AK5: variants seen among roughly 807,000 people sequenced by gnomAD.
AK5 encodes adenylate kinase isoenzyme 5.
AK5 carries 27 observed loss-of-function variants against 69.5 expected under a neutral mutation model. That is an observed-to-expected ratio of 0.39 (90% confidence interval 0.29 to 0.54). AK5 has a LOEUF of 0.54. Among genes scored for constraint, AK5 ranks in the 20% least tolerant of loss-of-function variants. The pLI, the probability that AK5 is intolerant of heterozygous loss-of-function variation, is 0.71. For missense variants in AK5, 531 were observed against 700.4 expected (o/e 0.76, Z 2.73); for synonymous variants, 260 against 244.4 (o/e 1.06, Z -0.60).
intron 10 of AK5, among the ~76,000 whole-genome samples, chr1:77,496,059 C>A (rs61778699): frequency 0.03 from 4,591 of 152,196 alleles, 65 homozygotes; most frequent in Middle Eastern, 0.078. Context: ...AGGGAGGAAG[C>A]CAACAAATAG....
At chr1:77,448,114 CG>C (rs1652869362) in intron 8 of AK5, among the ~76,000 whole-genome samples, 1 of 152,116 alleles carries the variant, frequency 6.6e-6, no homozygotes, top group Non-Finnish European at 1.5e-5. Flanking sequence ...CTGTGGACAG[CG>C]GGTTGATGGC....
At chr1:77,377,933 T>C (rs1570469175) in intron 6 of AK5, among the ~76,000 whole-genome samples, 1 of 152,250 alleles carries the variant, frequency 6.6e-6, no homozygotes, top group Non-Finnish European at 1.5e-5. Context: ...ATGAAACTTT[T>C]CTCCTTTGTG....
intron 1 of AK5, chr1:77,283,376 T>C (rs1658171933): frequency 1.0e-6 from 1 of 985,298 alleles, no homozygotes; most frequent in South Asian, 4.7e-5. Context: ...GCAAACCTCG[T>C]TCCCCATTTC....
At chr1:77,540,858 G>A (rs574382522) in intron 13 of AK5, among the ~76,000 whole-genome samples, 28 of 152,140 alleles carry the variant, frequency 1.8e-4, no homozygotes, top group Middle Eastern at 3.4e-3. Flanking sequence ...CAGCAGTTTG[G>A]GAAGCCAAGG....
At chr1:77,367,511 T>C (rs1646973128) in intron 6 of AK5, among the ~76,000 whole-genome samples, 1 of 132,572 alleles carries the variant, frequency 7.5e-6, no homozygotes, top group Admixed American at 8.8e-5. Context: ...TGTTTTTTTG[T>C]AGAGACAGGT....
intron 8 of AK5, among the ~76,000 whole-genome samples, chr1:77,481,654 G>A (rs1039520295): frequency 3.3e-5 from 5 of 152,204 alleles, no homozygotes; most frequent in African/African-American, 1.2e-4. Flanking sequence ...AGGCATCAAA[G>A]TGAATTAGAG....
At chr1:77,307,933 G>C (rs922556529) in intron 5 of AK5, among the ~76,000 whole-genome samples, 1 of 152,114 alleles carries the variant, frequency 6.6e-6, no homozygotes, top group Non-Finnish European at 1.5e-5. Context: ...ATAGATAGTC[G>C]TCAACTTGGT....
intron 6 of AK5, among the ~76,000 whole-genome samples, chr1:77,391,045 C>G (rs1452652467): frequency 6.6e-6 from 1 of 152,138 alleles, no homozygotes; most frequent in Non-Finnish European, 1.5e-5. Flanking sequence ...CTCCTGGCAG[C>G]AGACCCTCTG....
intron 8 of AK5, among the ~76,000 whole-genome samples, chr1:77,473,759 G>C (rs1216081318): frequency 1.3e-5 from 2 of 152,160 alleles, no homozygotes; most frequent in Non-Finnish European, 2.9e-5. Context: ...GAAGGATTTT[G>C]GAAAAACGAA....
intron 5 of AK5, among the ~76,000 whole-genome samples, chr1:77,337,490 A>T (rs987496904): frequency 6.6e-6 from 1 of 152,152 alleles, no homozygotes; most frequent in Non-Finnish European, 1.5e-5. Flanking sequence ...TGTCAAAAAA[A>T]TTTCTTATGT....
At chr1:77,480,805 C>T (rs1466428281) in intron 8 of AK5, among the ~76,000 whole-genome samples, 2 of 152,284 alleles carry the variant, frequency 1.3e-5, no homozygotes, top group South Asian at 2.1e-4. Flanking sequence ...TCCAAAATTC[C>T]CTGAGAATTT....
At chr1:77,524,515 T>C (rs955654874) in intron 12 of AK5, among the ~76,000 whole-genome samples, 1 of 152,230 alleles carries the variant, frequency 6.6e-6, no homozygotes, top group African/African-American at 2.4e-5. Flanking sequence ...TGGTATCTTA[T>C]TGTGGTTTTG....
rs747195859 is a variant in AK5, at chr1:77,297,980, ACTTTTTG to A, written c.699+37_699+43del. The stretch of plus-strand genomic sequence containing the variant: ...TATCTCCTTATATTTTAAATGAACT[ACTTTTTG>A]CTTAAAATTTTGGGAATAAAAACAA... On this transcript the variant is annotated intron_variant, in intron 5 of 13. Transcript: ENST00000354567. 6.1e-6 allele frequency: 9 copies of A among 1,482,082 alleles called. No homozygotes were observed. The East Asian group carries it at 1.6e-4, about 26-fold the overall frequency. 91.8% of individuals were successfully genotyped at this position (1,482,082 alleles called of 1,614,324 possible). A position where few individuals can be genotyped will look rare whatever the true frequency, so the allele number is the denominator to read the frequency against.
chr1:77,511,272 G>A (rs1657333102), intron 10 of AK5, among the ~76,000 whole-genome samples: 1 of 152,082 alleles, frequency 6.6e-6, no homozygotes, highest in African/African-American at 2.4e-5. Context: ...AAAAGAAGCT[G>A]CCAACCAAGA....
chr1:77,358,349 T>C (rs1052591242), intron 6 of AK5, among the ~76,000 whole-genome samples: 1 of 152,308 alleles, frequency 6.6e-6, no homozygotes, highest in Middle Eastern at 3.4e-3. Context: ...GTGTTTCTAC[T>C]TCACAGAGTT....
chr1:77,551,157 A>G (rs1397316006), intron 13 of AK5, among the ~76,000 whole-genome samples: 1 of 152,142 alleles, frequency 6.6e-6, no homozygotes, highest in Non-Finnish European at 1.5e-5. Context: ...AGCCTGGGAG[A>G]CAAGAGCGAA....
chr1:77,544,538 T>C (rs1325249608), intron 13 of AK5, among the ~76,000 whole-genome samples: 1 of 149,702 alleles, frequency 6.7e-6, no homozygotes, highest in African/African-American at 2.4e-5. Context: ...AAAAAAGTCT[T>C]TTTTTTTTTA....
intron 9 of AK5, among the ~76,000 whole-genome samples, chr1:77,485,074 T>C (rs917324613): frequency 6.6e-6 from 1 of 152,246 alleles, no homozygotes; most frequent in Admixed American, 6.5e-5. Context: ...CTAGAGAACC[T>C]GAGATGACCA....
At chr1:77,314,921 A>G (rs1660166157) in intron 5 of AK5, 1 of 152,126 alleles carries the variant, frequency 6.6e-6, no homozygotes, top group Non-Finnish European at 1.5e-5. Flanking sequence ...TCATTTAACA[A>G]CAGATATTTA....
Sources: allele counts gnomAD v4.1 joint callset (sites outside exome capture counted in the v4.1 genomes callset), GRCh38; gene constraint gnomAD v4.1.1; transcripts MANE v1.5; gene names NCBI Gene and HGNC (gene_info 2026-07-23, HGNC 2026-07-21).